WWP2: variants seen among roughly 807,000 people sequenced by gnomAD.
The protein encoded by WWP2 is WW domain containing E3 ubiquitin protein ligase 2, also known as NEDD4-like E3 ubiquitin-protein ligase WWP2.
WWP2 carries 57 observed loss-of-function variants against 121.0 expected under a neutral mutation model. The observed-to-expected ratio is 0.47, with a 90% CI of 0.38 to 0.59. WWP2 has a LOEUF of 0.59. Ranked by LOEUF, WWP2 falls within the 20% of genes least tolerant of loss-of-function variation. The pLI, the probability that WWP2 is intolerant of heterozygous loss-of-function variation, is 0.00. For synonymous variants in WWP2, 449 were observed against 441.3 expected (o/e 1.02, Z -0.22); for missense variants, 962 against 1,158.9 (o/e 0.83, Z 2.47).
At chr16:69,781,283 G>A (rs2055658727) in intron 1 of WWP2, among the ~76,000 whole-genome samples, 1 of 152,014 alleles carries the variant, frequency 6.6e-6, no homozygotes. Flanking sequence ...GAGGGGTGTG[G>A]AAATGGGGGA....
At chr16:69,809,844 AAAAG>A (rs2056354448) in intron 4 of WWP2, among the ~76,000 whole-genome samples, 1 of 152,000 alleles carries the variant, frequency 6.6e-6, no homozygotes, top group Non-Finnish European at 1.5e-5. Context: ...AGAAAAAGAA[AAAAG>A]AAAGAAGGAA....
intron 6 of WWP2, among the ~76,000 whole-genome samples, chr16:69,864,584 C>G (rs980677140): frequency 4.6e-5 from 7 of 152,046 alleles, no homozygotes; most frequent in African/African-American, 1.7e-4. Context: ...GAGTCTCGCT[C>G]TGTCACCCAG....
chr16:69,821,684 G>A (rs1306951003), intron 4 of WWP2, among the ~76,000 whole-genome samples: 2 of 151,474 alleles, frequency 1.3e-5, no homozygotes, highest in African/African-American at 4.9e-5. Context: ...TCTGCAGTAG[G>A]TGGCCAAGAC....
Position 69,935,794 on chromosome 16 carries a change from C to T in WWP2, c.1843-59C>T. The T allele has an allele frequency of 1.9e-6, 3 of 1,552,548 alleles. No individual in the cohort carries two copies. Among genetic ancestry groups the T allele is most frequent in the Non-Finnish European group, 1.7e-6 (2 of 1,152,796 alleles). On this transcript the variant is annotated intron_variant, in intron 17 of 23. Transcript: ENST00000359154. This position sits in a 1 kb window ranked among gnomAD's most constrained non-coding sequence, Gnocchi z 5.2. ...GAGTTTGATACCGAGCATCTGAGAG[C>T]TGGTCTTGGCAGTGCCCAGGGAAGG... is the stretch of plus-strand genomic sequence containing the variant.
Position 69,860,423 on chromosome 16 carries a change from C to T in WWP2, c.576-11381C>T, listed in dbSNP as rs555011739. On this transcript the variant is annotated intron_variant, in intron 6 of 23. Coordinates refer to ENST00000359154, the MANE Select transcript of WWP2 (RefSeq NM_001270454.2). ...CTGCCCTCATGAATGTGTAGTGACA[C>T]ATAGCAGTGCCATAAAGGGAACAAT... Among the ~76,000 whole-genome samples the T allele has an allele frequency of 3.3e-5, 5 of 152,190 alleles. No homozygotes were observed. In the East Asian group the frequency reaches 9.6e-4, roughly 29 times the overall value.
intron 17 of WWP2, 135 bp downstream of exon 17, chr16:69,934,264 G>A (rs1255827904): frequency 3.1e-5 from 36 of 1,167,860 alleles, no homozygotes; most frequent in Non-Finnish European, 3.9e-5. Context: ...CATTGGAGGA[G>A]GCCCTGGGCC....
chr16:69,784,646 G>T, intron 1 of WWP2, among the ~76,000 whole-genome samples: 1 of 152,274 alleles, frequency 6.6e-6, no homozygotes, highest in Admixed American at 6.5e-5. Context: ...TCCTGAGCAC[G>T]TGTTTTTAAT....
chr16:69,938,578 A>G (rs1219292822), intron 21 of WWP2, among the ~76,000 whole-genome samples: 1 of 142,542 alleles, frequency 7.0e-6, no homozygotes. Flanking sequence ...GGACCGTGCC[A>G]CTGCTCTGCA....
chr16:69,833,576 G>A (rs117855256), intron 4 of WWP2, among the ~76,000 whole-genome samples: 3 of 152,272 alleles, frequency 2.0e-5, no homozygotes, highest in Middle Eastern at 3.4e-3. Context: ...GCTGTCTGTC[G>A]ACCTCCATAA....
intron 1 of WWP2, among the ~76,000 whole-genome samples, chr16:69,767,723 A>G (rs752901791): frequency 6.6e-5 from 10 of 152,040 alleles, no homozygotes; most frequent in African/African-American, 1.4e-4. Flanking sequence ...GTGATTAATC[A>G]TTTCTCAGAA....
intron 1 of WWP2, among the ~76,000 whole-genome samples, chr16:69,780,081 C>T (rs187750952): frequency 1.3e-5 from 2 of 152,280 alleles, no homozygotes. Flanking sequence ...CTCCAATTCC[C>T]CTGCTCCCTC....
intron 9 of WWP2, 108 bp from the exon 10 acceptor site, chr16:69,917,601 C>A: frequency 7.3e-7 from 1 of 1,366,234 alleles, no homozygotes; most frequent in East Asian, 2.4e-5. Context: ...CCCCAGCAAC[C>A]TCTGTGACAG....
chr16:69,776,646 G>C (rs1597646519), intron 1 of WWP2, among the ~76,000 whole-genome samples: 1 of 152,070 alleles, frequency 6.6e-6, no homozygotes, highest in Non-Finnish European at 1.5e-5. Flanking sequence ...CCTTAACATG[G>C]AGAAACCCCG....
intron 6 of WWP2, among the ~76,000 whole-genome samples, chr16:69,867,813 C>G (rs1272162130): frequency 6.6e-6 from 1 of 152,200 alleles, no homozygotes; most frequent in Non-Finnish European, 1.5e-5. Flanking sequence ...TCTGCCTGCC[C>G]TGGGGGCTGT....
chr16:69,802,050 C>T (rs2056179335), intron 4 of WWP2, among the ~76,000 whole-genome samples: 1 of 151,992 alleles, frequency 6.6e-6, no homozygotes, highest in Non-Finnish European at 1.5e-5. Context: ...CTGCCTCAGC[C>T]TCCCGAGTAG....
chr16:69,855,533 G>C (rs1225484211), intron 6 of WWP2, among the ~76,000 whole-genome samples: 1 of 152,166 alleles, frequency 6.6e-6, no homozygotes. Context: ...AAATGAGTTT[G>C]ATTCATGCGA....
In WWP2 at chr16:69,937,263, C is replaced by A; in HGVS notation, c.2238+25C>A. On this transcript the variant is annotated intron_variant, in intron 20 of 23. Transcript: ENST00000359154. This position sits in a 1 kb window ranked among gnomAD's most constrained non-coding sequence, Gnocchi z 6.6. ...GGTGAGTGTCTGAGGTTGCTGGGACCCTGAGCCCCTGCCTCTGGGGCGATC... is the reference window on the plus strand; with the variant it reads ...GGTGAGTGTCTGAGGTTGCTGGGACACTGAGCCCCTGCCTCTGGGGCGATC... 4 of 1,611,508 alleles carry A rather than the reference C, an allele frequency of 2.5e-6. No homozygotes were observed. The highest frequency in any genetic ancestry group is 3.4e-6 in the Non-Finnish European group (4 of 1,179,076).
intron 2 of WWP2, among the ~76,000 whole-genome samples, chr16:69,796,814 C>G (rs2056057023): frequency 2.0e-5 from 3 of 152,204 alleles, no homozygotes; most frequent in Non-Finnish European, 4.4e-5. Context: ...TGAATCTTAG[C>G]CACAGCTGAT....
At chr16:69,906,660 G>C (rs2058299088) in intron 8 of WWP2, among the ~76,000 whole-genome samples, 1 of 152,186 alleles carries the variant, frequency 6.6e-6, no homozygotes, top group African/African-American at 2.4e-5. Flanking sequence ...TGAAGTGGGA[G>C]GATTATTTGA....
Sources: allele counts gnomAD v4.1 joint callset (sites outside exome capture counted in the v4.1 genomes callset), GRCh38; gene constraint gnomAD v4.1.1; non-coding constraint Gnocchi (gnomAD v3.1); transcripts MANE v1.5; gene names NCBI Gene and HGNC (gene_info 2026-07-23, HGNC 2026-07-21).